Variants in RASGRP2 observed in about 807,000 individuals in gnomAD.
RASGRP2 encodes RAS guanyl releasing protein 2.
In RASGRP2, 44 loss-of-function variants were observed where a neutral mutation model predicts 71.0. The ratio of observed to expected loss-of-function variants is 0.62; its 90% CI spans 0.49 to 0.80. The LOEUF (loss-of-function observed/expected upper bound fraction) is 0.80. Among genes scored for constraint, RASGRP2 ranks in the 30% least tolerant of loss-of-function variants. RASGRP2 has a pLI of 0.00. For missense variants in RASGRP2, 663 were observed against 813.4 expected, an observed-to-expected ratio of 0.82 and a Z score of 2.25; for synonymous variants, 350 against 330.7, an observed-to-expected ratio of 1.06 and a Z score of -0.63.
Position 64,727,313 on chromosome 11 carries a change from T to C in RASGRP2, c.1819A>G (p.Ile607Val). ...GGACTCACCATCTATTACAAGTGGA[T>C]GTCAAACACCCCATCCTCCACCGTC... is the stretch of plus-strand genomic sequence containing the variant. ...VQTVEDGVFD[I>V]HL The change falls in exon 16 of 17, where the codon ATC (isoleucine) becomes GTC (valine). Residue 607 changes from isoleucine to valine, a missense_variant. By Grantham distance (29) the Ile-to-Val change is conservative (BLOSUM62 3). Coordinates refer to ENST00000394432, the MANE Select transcript of RASGRP2 (RefSeq NM_001098671.2). 7 of 1,613,802 alleles carry C rather than the reference T, an allele frequency of 4.3e-6. No individual in the cohort carries two copies. The highest frequency in any genetic ancestry group is 4.2e-6 in the Non-Finnish European group (5 of 1,179,846).
intron 12 of RASGRP2, 25 bp from the exon 13 acceptor site, chr11:64,730,219 C>A: frequency 1.3e-6 from 2 of 1,551,452 alleles, no homozygotes; most frequent in Non-Finnish European, 1.7e-6. Flanking sequence ...GGGGGCGCTT[C>A]AGCTCGGGCC....
rs1374933000 is a variant in RASGRP2 at position 64,740,950 on chromosome 11, GCTGT to G, written c.365_368del (p.Asp122AlafsTer11). 1.3e-5 allele frequency: 21 copies of G among 1,613,266 alleles called. No homozygotes were observed. The highest frequency in any genetic ancestry group is 1.8e-5 in the Non-Finnish European group (21 of 1,179,834). ...CCCTCTGTGCTCCCCCCACGCACAC[GCTGT>G]CTATGTCGATTAGGCTGCTGTGCCG... On this transcript the variant is annotated frameshift_variant, in exon 5 of 17. Transcript: ENST00000394432. LOFTEE classifies it high-confidence loss of function.
At position 64,735,768 on chromosome 11, in the gene RASGRP2, T is replaced by G; in HGVS notation, c.1174-104A>C. 1 of 1,493,584 alleles carries G rather than the reference T, an allele frequency of 6.7e-7. No homozygotes were observed. Among genetic ancestry groups the G allele is most frequent in the Non-Finnish European group, 9.1e-7 (1 of 1,095,090 alleles). The allele number at this position is 1,493,584 out of a possible 1,614,324, so 92.5% of individuals were successfully genotyped here. On this transcript the variant is annotated intron_variant, in intron 10 of 16. Transcript: ENST00000394432. The surrounding 1 kb of genome is among the most constrained non-coding windows in gnomAD (Gnocchi z 4.2). The stretch of plus-strand genomic sequence containing the variant: ...TGGGAGAGGGAAGTCTGCCCAACAC[T>G]ACTGCCCTACCCCCAGGATGCCTCT...
intron 5 of RASGRP2, 71 bp from the exon 6 acceptor site, chr11:64,740,234 A>G: frequency 1.9e-6 from 3 of 1,585,970 alleles, no homozygotes. Context: ...TCACACAGAC[A>G]CACCATTCAC....
rs2058041142 is a variant in RASGRP2 at position 64,739,200 on chromosome 11, G to C, written c.813+160C>G. Among the ~76,000 whole-genome samples, 1 of 151,150 alleles carries C rather than the reference G, an allele frequency of 6.6e-6. No homozygotes were observed. The highest frequency in any genetic ancestry group is 1.5e-5 in the Non-Finnish European group (1 of 67,896). Reference sequence around the variant, plus strand: ...CTGACGACCTGTGAGCCCCCACTCTGCTGTTGCCATTGTGCAAACTGAGAA... The same window carrying C: ...CTGACGACCTGTGAGCCCCCACTCTCCTGTTGCCATTGTGCAAACTGAGAA... On this transcript the variant is annotated intron_variant, in intron 8 of 16. Transcript: ENST00000394432. The surrounding 1 kb of genome is among the most constrained non-coding windows in gnomAD (Gnocchi z 4.2).
rs181901181 is a variant in RASGRP2 at position 64,740,941 on chromosome 11, C to T, written c.371+7G>A. ...CCCCCCCAGCCCTCTGTGCTCCCCC[C>T]ACGCACACGCTGTCTATGTCGATTA... is the stretch of plus-strand genomic sequence containing the variant. On this transcript the variant is annotated splice_region_variant and intron_variant, in intron 5 of 16. Transcript: ENST00000394432. The T allele has an allele frequency of 7.4e-6, 12 of 1,613,896 alleles. No individual in the cohort carries two copies. The Admixed American group carries it at 1.2e-4, about 16-fold the overall frequency.
intron 8 of RASGRP2, 188 bp from the exon 9 acceptor site, chr11:64,737,222 C>CA (rs1592373116): frequency 6.0e-6 from 4 of 665,476 alleles, no homozygotes; most frequent in Non-Finnish European, 1.0e-5. Context: ...GAATTCAAGG[C>CA]AATACTCACT....
In RASGRP2 at chr11:64,739,141, A is replaced by T. The variant is rs762358867; in HGVS notation, c.813+219T>A. ...ACAACAGAGAGAGAGACCCTGTCTT[A>T]AAAAAAAAAAAAAAAGTACTAGCTT... On this transcript the variant is annotated intron_variant, in intron 8 of 16. Transcript: ENST00000394432. The surrounding 1 kb of genome is among the most constrained non-coding windows in gnomAD (Gnocchi z 4.2). Among the ~76,000 whole-genome samples the T allele has an allele frequency of 1.5e-5, 2 of 131,068 alleles. No individual in the cohort carries two copies. Among genetic ancestry groups the T allele is most frequent in the African/African-American group, 3.2e-5 (1 of 31,410 alleles). 86.0% of individuals were successfully genotyped at this position (131,068 alleles called of 152,430 possible).
At position 64,739,530 on chromosome 11, in the gene RASGRP2, T is replaced by C. The variant is rs2135780715; in HGVS notation, c.697-54A>G. 1 of 1,609,522 alleles carries C rather than the reference T, an allele frequency of 6.2e-7. No individual in the cohort carries two copies. The highest frequency in any genetic ancestry group is 1.7e-5 in the Admixed American group (1 of 60,008). ...GGGAGTCACTGAGTGGGCCCAGAAT[T>C]TGGCCCAGCTTATCTAGAGAGAAGG... On this transcript the variant is annotated intron_variant, in intron 7 of 16. Transcript: ENST00000394432. This position sits in a 1 kb window ranked among gnomAD's most constrained non-coding sequence, Gnocchi z 4.2.
chr11:64,729,848 C>T, intron 13 of RASGRP2, 50 bp from the exon 14 acceptor site: 1 of 1,607,624 alleles, frequency 6.2e-7, no homozygotes, highest in Non-Finnish European at 8.5e-7. Context: ...GAGGTGATGA[C>T]TCTACTTCTT....
At chr11:64,741,220 T>C in intron 4 of RASGRP2, 141 bp from the exon 5 acceptor site, 1 of 1,188,322 alleles carries the variant, frequency 8.4e-7, no homozygotes, top group Non-Finnish European at 1.2e-6. Flanking sequence ...CCACTCCAAG[T>C]GTACATTAGA....
In RASGRP2 at chr11:64,740,974, G is replaced by A. The variant is rs1031575429; in HGVS notation, c.345C>T (p.His115=). 4 of 1,613,898 alleles carry A rather than the reference G, an allele frequency of 2.5e-6. No individual in the cohort carries two copies. The highest frequency in any genetic ancestry group is 3.4e-6 in the Non-Finnish European group (4 of 1,179,976). ...ALLDQEGNRR[H]SSLIDIDSVP... Reference sequence around the variant, plus strand: ...CGCTGTCTATGTCGATTAGGCTGCTGTGCCGTCGGTTCCCTTCTTGGTCTA... The same window carrying A: ...CGCTGTCTATGTCGATTAGGCTGCTATGCCGTCGGTTCCCTTCTTGGTCTA... The change falls in exon 5 of 17, where the codon CAC becomes CAT. Residue 115 remains histidine, a synonymous_variant. Coordinates refer to ENST00000394432, the MANE Select transcript of RASGRP2 (RefSeq NM_001098671.2).
At chr11:64,737,221 G>A (rs182940197) in intron 8 of RASGRP2, 187 bp from the exon 9 acceptor site, 2 of 672,232 alleles carry the variant, frequency 3.0e-6, no homozygotes, top group African/African-American at 1.8e-5. Flanking sequence ...TGAATTCAAG[G>A]CAATACTCAC....
At position 64,742,228 on chromosome 11, in the gene RASGRP2, ACCTCCTGCTTGCCCAGGACTCCGAGAG is replaced by A; in HGVS notation, c.74-143_74-117del. On this transcript the variant is annotated intron_variant, in intron 2 of 16. Transcript: ENST00000394432. This position sits in a 1 kb window ranked among gnomAD's most constrained non-coding sequence, Gnocchi z 4.7. ...TTCGGGTGCACGCTCGACCCCGCCCACCTCCTGCTTGCCCAGGACTCCGAGAGCAGGAGGCAAATTAGAGAGGAAAGG... is the reference window on the plus strand; with the variant it reads ...TTCGGGTGCACGCTCGACCCCGCCCACAGGAGGCAAATTAGAGAGGAAAGG... 3 of 794,286 alleles carry A rather than the reference ACCTCCTGCTTGCCCAGGACTCCGAGAG, an allele frequency of 3.8e-6. No individual in the cohort carries two copies. In the South Asian group the frequency reaches 4.4e-5, roughly 12 times the overall value. 49.2% of individuals were successfully genotyped at this position (794,286 alleles called of 1,614,324 possible).
In RASGRP2 at chr11:64,740,142, C is replaced by A; in HGVS notation, c.393G>T (p.Arg131=). The A allele has an allele frequency of 1.2e-6, 2 of 1,614,138 alleles. No homozygotes were observed. Among genetic ancestry groups the A allele is most frequent in the South Asian group, 1.1e-5 (1 of 91,078 alleles). ...CCACAGGGTTCCGCTGAGTCACCTG[C>A]CGCTTCCACTTGTAGGTAGGGCTGG... ...IDSVPTYKWK[R]QVTQRNPVGQ... Residue 131 remains arginine (R), a synonymous_variant, in exon 6 of 17, where the codon CGG becomes CGT. Coordinates refer to ENST00000394432, the MANE Select transcript of RASGRP2 (RefSeq NM_001098671.2).
At chr11:64,734,608 A>C (rs1274076544) in intron 12 of RASGRP2, among the ~76,000 whole-genome samples, 1 of 152,118 alleles carries the variant, frequency 6.6e-6, no homozygotes, top group East Asian at 1.9e-4. Flanking sequence ...ATGGACTTTA[A>C]ATTTTGAATG....
rs1472012318 is a variant in RASGRP2 at position 64,742,438 on chromosome 11, A to G, written c.74-326T>C. The G allele has an allele frequency of 1.8e-5, 10 of 559,112 alleles. No homozygotes were observed. Among genetic ancestry groups the G allele is most frequent in the Admixed American group, 6.2e-5 (2 of 32,480 alleles). The allele number at this position is 559,112 out of a possible 1,614,324, so 34.6% of individuals were successfully genotyped here. A position where few individuals can be genotyped will look rare whatever the true frequency, so the allele number is the denominator to read the frequency against. On this transcript the variant is annotated intron_variant, in intron 2 of 16. Coordinates refer to ENST00000394432, the MANE Select transcript of RASGRP2 (RefSeq NM_001098671.2). This position sits in a 1 kb window ranked among gnomAD's most constrained non-coding sequence, Gnocchi z 4.7. Reference sequence around the variant, plus strand: ...TCCTGAGCGCTTGGGGGGAAGGGGCACCCCTTCACCAGATAAGCCGCCCCC... The same window carrying G: ...TCCTGAGCGCTTGGGGGGAAGGGGCGCCCCTTCACCAGATAAGCCGCCCCC...
chr11:64,735,158 C>T lies in RASGRP2; in HGVS notation c.1366G>A (p.Gly456Arg), dbSNP rs1441284269. ...AAGGCGCTGAGGTAAGGGAAGTTCC[C>T]ACGGATGATCTGGAATTCTTCCTGT... ...ISQEEFQIIR[G>R]NFPYLSAFGD... Residue 456 changes from glycine (G) to arginine (R), a missense_variant, in exon 12 of 17, where the codon GGG becomes AGG. Transcript: ENST00000394432. This position sits in a 1 kb window ranked among gnomAD's most constrained non-coding sequence, Gnocchi z 4.2. 10 of 1,614,226 alleles carry T rather than the reference C, an allele frequency of 6.2e-6. No individual in the cohort carries two copies. Among genetic ancestry groups the T allele is most frequent in the Non-Finnish European group, 7.6e-6 (9 of 1,180,046 alleles).
rs1425092634 is a variant in RASGRP2 at position 64,727,055 on chromosome 11, C to A, written c.*83G>T. ...TCCCACCCCCATCCCCAGCCTCCTGCCCCGACACCCCCAGGCTCCCTGCTC... is the reference window on the plus strand; with the variant it reads ...TCCCACCCCCATCCCCAGCCTCCTGACCCGACACCCCCAGGCTCCCTGCTC... On this transcript the variant is annotated 3_prime_UTR_variant, in exon 17 of 17. Transcript: ENST00000394432. The A allele has an allele frequency of 4.6e-6, 2 of 439,330 alleles. No homozygotes were observed. Among genetic ancestry groups the A allele is most frequent in the African/African-American group, 4.1e-5 (2 of 49,266 alleles). 27.2% of individuals were successfully genotyped at this position (439,330 alleles called of 1,614,324 possible). A position where few individuals can be genotyped will look rare whatever the true frequency, so the allele number is the denominator to read the frequency against.
Sources: allele counts gnomAD v4.1 joint callset (sites outside exome capture counted in the v4.1 genomes callset), GRCh38; gene constraint gnomAD v4.1.1; non-coding constraint Gnocchi (gnomAD v3.1); transcripts MANE v1.5; gene names NCBI Gene and HGNC (gene_info 2026-07-23, HGNC 2026-07-21).